Variants in CENPC observed in about 807,000 individuals in gnomAD.
The protein encoded by CENPC is CENP-C 1.
CENPC carries 63 observed loss-of-function variants against 112.1 expected under a neutral mutation model. That is an observed-to-expected ratio of 0.56 (90% CI 0.46 to 0.69). The LOEUF is 0.69. CENPC is among the 30% of genes least tolerant of loss of function. The pLI is 0.00. For synonymous variants in CENPC, 333 were observed against 367.6 expected, an observed-to-expected ratio of 0.91 and a Z score of 1.08; for missense variants, 1,000 against 1,103.8, an observed-to-expected ratio of 0.91 and a Z score of 1.33.
chr4:67,510,862 G>A (rs760237449), intron 9 of CENPC: 6 of 372,604 alleles, frequency 1.6e-5, no homozygotes, highest in Non-Finnish European at 2.1e-5. Flanking sequence ...CCACTTTTTC[G>A]ACTCCCAGCT....
rs1313070164 is a variant in CENPC, at chr4:67,490,890, A to G, written c.2516-769T>C. On this transcript the variant is annotated intron_variant, in intron 16 of 18. Coordinates refer to ENST00000273853, the MANE Select transcript of CENPC (RefSeq NM_001812.4). ...TATATATATATATAGAAATATATAG[A>G]AATATATATATAGAAATATATATAT... Among the ~76,000 whole-genome samples, 3 of 143,830 alleles carry G rather than the reference A, an allele frequency of 2.1e-5. No homozygotes were observed. In the Admixed American group the frequency reaches 2.1e-4, roughly 10 times the overall value. 94.4% of individuals were successfully genotyped at this position (143,830 alleles called of 152,430 possible).
chr4:67,527,965 T>G (rs1726432968), intron 5 of CENPC, among the ~76,000 whole-genome samples: 1 of 151,678 alleles, frequency 6.6e-6, no homozygotes, highest in Non-Finnish European at 1.5e-5. Context: ...ATACCTAATA[T>G]CATCATTATT....
chr4:67,479,471 T>C (rs1279020678), intron 17 of CENPC, among the ~76,000 whole-genome samples: 1 of 152,180 alleles, frequency 6.6e-6, no homozygotes, highest in Non-Finnish European at 1.5e-5. Context: ...TCCTGAATGA[T>C]TGTTGGGTCA....
chr4:67,542,102 C>A (rs1560446857), intron 2 of CENPC, among the ~76,000 whole-genome samples: 1 of 152,164 alleles, frequency 6.6e-6, no homozygotes, highest in Non-Finnish European at 1.5e-5. Flanking sequence ...TGAAGAACAT[C>A]TGGATTTCAA....
chr4:67,477,270 A>G (rs1471790795), intron 17 of CENPC, among the ~76,000 whole-genome samples: 3 of 152,024 alleles, frequency 2.0e-5, no homozygotes, highest in African/African-American at 7.2e-5. Flanking sequence ...ACTAAACAAA[A>G]CTACAACCAA....
intron 5 of CENPC, among the ~76,000 whole-genome samples, chr4:67,525,979 TA>T (rs750734423): frequency 7.9e-5 from 12 of 152,150 alleles, no homozygotes; most frequent in African/African-American, 2.7e-4. Context: ...CACCACAGAA[TA>T]CTAAGCAGCC....
chr4:67,521,183 C>A, intron 5 of CENPC, among the ~76,000 whole-genome samples: 1 of 128,188 alleles, frequency 7.8e-6, no homozygotes, highest in Admixed American at 8.7e-5. Context: ...AACAACTCGT[C>A]ATACCAAAAC....
At chr4:67,490,484 A>G (rs1397718975) in intron 16 of CENPC, among the ~76,000 whole-genome samples, 3 of 152,194 alleles carry the variant, frequency 2.0e-5, no homozygotes, top group African/African-American at 4.8e-5. Context: ...TGTTAGCACC[A>G]GCTGAATAAC....
intron 5 of CENPC, 75 bp downstream of exon 5, chr4:67,530,740 C>A: frequency 1.6e-6 from 1 of 636,454 alleles, no homozygotes; most frequent in Non-Finnish European, 2.6e-6. Flanking sequence ...ATACTCAAAG[C>A]AACACATGCA....
intron 17 of CENPC, among the ~76,000 whole-genome samples, chr4:67,486,228 C>T (rs544123303): frequency 6.6e-6 from 1 of 152,138 alleles, no homozygotes; most frequent in Non-Finnish European, 1.5e-5. Flanking sequence ...CTCATGAATA[C>T]TTAATGCTAA....
rs1174064342 is a variant in CENPC at position 67,545,387 on chromosome 4, T to C, written c.-32A>G. On this transcript the variant is annotated 5_prime_UTR_variant, in exon 1 of 19. Transcript: ENST00000273853. ...GCCCCGCTGAGCCAGCGCAACTGTCTGAGGTGGAAGCCCACACGGACCACA... is the reference window on the plus strand; with the variant it reads ...GCCCCGCTGAGCCAGCGCAACTGTCCGAGGTGGAAGCCCACACGGACCACA... 3.3e-6 allele frequency: 5 copies of C among 1,510,524 alleles called. No individual in the cohort carries two copies. The Admixed American group carries it at 6.2e-5, about 19-fold the overall frequency. 93.6% of individuals were successfully genotyped at this position (1,510,524 alleles called of 1,614,324 possible). A position where few individuals can be genotyped will look rare whatever the true frequency, so the allele number is the denominator to read the frequency against.
intron 16 of CENPC, among the ~76,000 whole-genome samples, chr4:67,491,468 TATATATATATATAGAGAG>T (rs1283797416): frequency 3.7e-4 from 20 of 54,672 alleles, no homozygotes; most frequent in African/African-American, 9.3e-4. Context: ...TATATATATA[TATATATATATATAGAGAG>T]AGAGAGAGAG....
chr4:67,492,305 C>T (rs1004597452), intron 15 of CENPC, 30 bp from the exon 16 acceptor site: 1 of 1,387,142 alleles, frequency 7.2e-7, no homozygotes, highest in East Asian at 2.5e-5. Flanking sequence ...GAAATACAAA[C>T]TACTTACTTA....
chr4:67,490,850 AT>A (rs1725232027), intron 16 of CENPC, among the ~76,000 whole-genome samples: 1 of 20,278 alleles, frequency 4.9e-5, no homozygotes, highest in African/African-American at 1.1e-4. Flanking sequence ...ATATATATAT[AT>A]ATATATATAT....
At chr4:67,543,386 T>C (rs1726941710) in intron 2 of CENPC, among the ~76,000 whole-genome samples, 1 of 152,304 alleles carries the variant, frequency 6.6e-6, no homozygotes, top group South Asian at 2.1e-4. Context: ...ACACTACAAC[T>C]TTAAAGCTTT....
chr4:67,521,541 TTGA>T (rs1290603055), intron 5 of CENPC, among the ~76,000 whole-genome samples: 2 of 152,118 alleles, frequency 1.3e-5, no homozygotes, highest in African/African-American at 4.8e-5. Flanking sequence ...ATAACAACTG[TTGA>T]TGTAGAAAAA....
chr4:67,517,512 C>G (rs1334559455), intron 7 of CENPC, among the ~76,000 whole-genome samples: 1 of 151,748 alleles, frequency 6.6e-6, no homozygotes, highest in Non-Finnish European at 1.5e-5. Context: ...ATGATAGTGA[C>G]ATAAGGGCAG....
At chr4:67,489,603 A>C (rs1379586817) in intron 17 of CENPC, among the ~76,000 whole-genome samples, 1 of 152,096 alleles carries the variant, frequency 6.6e-6, no homozygotes, top group East Asian at 1.9e-4. Flanking sequence ...TTTTTGAAGA[A>C]GTCTTTTAAC....
intron 4 of CENPC, among the ~76,000 whole-genome samples, chr4:67,535,257 G>T (rs1247752399): frequency 6.6e-6 from 1 of 151,762 alleles, no homozygotes; most frequent in East Asian, 1.9e-4. Context: ...AACAATTAAG[G>T]TCTCAAATTC....
Sources: gnomAD v4.1 joint callset for allele counts (sites outside exome capture counted in the v4.1 genomes callset) on GRCh38, gnomAD v4.1.1 for gene constraint, MANE v1.5 for transcripts, NCBI Gene and HGNC (gene_info 2026-07-23, HGNC 2026-07-21) for gene names.